The following ADGRL2 variants were observed in gnomAD, a reference collection of about 807,000 sequenced individuals.
The protein encoded by ADGRL2 is calcium-independent alpha-latrotoxin receptor 2.
ADGRL2 carries 44 observed loss-of-function variants against 157.4 expected under a neutral mutation model. That is an observed-to-expected ratio of 0.28 (90% CI 0.22 to 0.36). The LOEUF is 0.36. ADGRL2 is among the 10% of genes least tolerant of loss of function. The probability of loss-of-function intolerance (pLI) is 1.00; values close to 1 mark genes in which losing one functional copy is unlikely to be tolerated. For synonymous variants in ADGRL2, 585 were observed against 624.7 expected (o/e 0.94, Z 0.95); for missense variants, 1,510 against 1,768.9 (o/e 0.85, Z 2.63).
At chr1:81,503,046 A>C in intron 2 of ADGRL2, 1 of 1,611,502 alleles carries the variant, frequency 6.2e-7, no homozygotes, top group African/African-American at 1.3e-5. Flanking sequence ...GGACCGCCGC[A>C]CTGGAGCAGC....
intron 3 of ADGRL2, among the ~76,000 whole-genome samples, chr1:81,582,907 C>G (rs965554827): frequency 3.9e-5 from 6 of 152,068 alleles, no homozygotes; most frequent in African/African-American, 1.4e-4. Flanking sequence ...TTGGCAACCA[C>G]ACAGCCACCC....
chr1:81,753,426 G>A (rs1020046493), intron 1 of ADGRL2, among the ~76,000 whole-genome samples: 2 of 152,126 alleles, frequency 1.3e-5, no homozygotes, highest in Non-Finnish European at 2.9e-5. Context: ...CCCACAACAC[G>A]TGGGAATTAT....
chr1:81,348,228 C>G (rs1662620514), intron 1 of ADGRL2, among the ~76,000 whole-genome samples: 1 of 152,152 alleles, frequency 6.6e-6, no homozygotes, highest in Admixed American at 6.5e-5. Context: ...CTTAGCTTCT[C>G]CTGTAGCTAA....
At chr1:81,899,916 C>T (rs185823279) in intron 2 of ADGRL2, among the ~76,000 whole-genome samples, 5 of 152,234 alleles carry the variant, frequency 3.3e-5, no homozygotes, top group Admixed American at 3.3e-4. Flanking sequence ...CATACCATAA[C>T]GATGTTCTTT....
At chr1:81,842,568 G>T (rs1339242890) in intron 2 of ADGRL2, among the ~76,000 whole-genome samples, 1 of 151,774 alleles carries the variant, frequency 6.6e-6, no homozygotes, top group Non-Finnish European at 1.5e-5. Context: ...ATATTGGCCA[G>T]GCTGGTCTCT....
intron 1 of ADGRL2, among the ~76,000 whole-genome samples, chr1:81,435,591 T>C (rs2077394583): frequency 6.6e-6 from 1 of 152,234 alleles, no homozygotes; most frequent in African/African-American, 2.4e-5. Flanking sequence ...ATCCATTTCT[T>C]CAAAACATCG....
At chr1:81,899,042 G>T (rs1445037120) in intron 2 of ADGRL2, among the ~76,000 whole-genome samples, 1 of 152,102 alleles carries the variant, frequency 6.6e-6, no homozygotes, top group Admixed American at 6.6e-5. Flanking sequence ...AACAGCATGA[G>T]CAGTAGCAAA....
intron 16 of ADGRL2, among the ~76,000 whole-genome samples, chr1:81,970,818 A>G (rs754110490): frequency 1.3e-5 from 2 of 152,160 alleles, no homozygotes; most frequent in Non-Finnish European, 2.9e-5. Context: ...CCTTAGAAAG[A>G]TATTAAGTAA....
At chr1:81,433,386 G>T (rs2077356553) in intron 1 of ADGRL2, among the ~76,000 whole-genome samples, 1 of 152,096 alleles carries the variant, frequency 6.6e-6, no homozygotes, top group African/African-American at 2.4e-5. Context: ...CAGGTCCAAG[G>T]ACACCTCAAG....
chr1:81,772,513 G>A (rs542460739), intron 2 of ADGRL2, among the ~76,000 whole-genome samples: 1 of 152,136 alleles, frequency 6.6e-6, no homozygotes, highest in South Asian at 2.1e-4. Flanking sequence ...TAGATCACCT[G>A]AGGTCAGGAG....
intron 3 of ADGRL2, among the ~76,000 whole-genome samples, chr1:81,595,480 A>G (rs1365090082): frequency 1.3e-5 from 2 of 152,170 alleles, no homozygotes; most frequent in Non-Finnish European, 2.9e-5. Context: ...CTATGAATGT[A>G]CTCAACTTCA....
chr1:81,483,710 G>A (rs903544131), intron 2 of ADGRL2, among the ~76,000 whole-genome samples: 1 of 152,136 alleles, frequency 6.6e-6, no homozygotes, highest in Non-Finnish European at 1.5e-5. Context: ...TGTTAACCAG[G>A]TTATTCCTTA....
At chr1:81,561,841 G>A (rs1557463589) in intron 2 of ADGRL2, among the ~76,000 whole-genome samples, 1 of 152,010 alleles carries the variant, frequency 6.6e-6, no homozygotes, top group Non-Finnish European at 1.5e-5. Flanking sequence ...TCTATGTCCT[G>A]GCCCAGATCT....
chr1:81,976,586 A>T (rs1274597472), intron 17 of ADGRL2, among the ~76,000 whole-genome samples: 1 of 152,028 alleles, frequency 6.6e-6, no homozygotes, highest in Non-Finnish European at 1.5e-5. Context: ...TTCCATTTTA[A>T]GTATGTTAGA....
intron 2 of ADGRL2, among the ~76,000 whole-genome samples, chr1:81,873,683 A>G (rs189869443): frequency 6.6e-6 from 1 of 152,238 alleles, no homozygotes; most frequent in Non-Finnish European, 1.5e-5. Context: ...GAAAACTTGG[A>G]TAGTATATTC....
chr1:81,752,150 A>AAG (rs1179384961), intron 1 of ADGRL2, among the ~76,000 whole-genome samples: 1 of 152,118 alleles, frequency 6.6e-6, no homozygotes. Context: ...TGGCCTTATA[A>AAG]AGAGAGAGAT....
chr1:81,373,890 A>G (rs1372910560), intron 1 of ADGRL2, among the ~76,000 whole-genome samples: 1 of 152,250 alleles, frequency 6.6e-6, no homozygotes, highest in Non-Finnish European at 1.5e-5. Flanking sequence ...TCTGGACAAC[A>G]TGAAGCAATG....
At chr1:81,352,628 G>A (rs1459856920) in intron 1 of ADGRL2, among the ~76,000 whole-genome samples, 2 of 152,136 alleles carry the variant, frequency 1.3e-5, no homozygotes, top group Non-Finnish European at 2.9e-5. Context: ...AGTGTTATAT[G>A]GCCTTCCTAT....
chr1:81,927,749 A>G (rs1439604878), intron 3 of ADGRL2, among the ~76,000 whole-genome samples: 1 of 152,022 alleles, frequency 6.6e-6, no homozygotes, highest in African/African-American at 2.4e-5. Flanking sequence ...ATTGTTACAG[A>G]ACACCTCTTT....
Sources: allele counts gnomAD v4.1 joint callset (sites outside exome capture counted in the v4.1 genomes callset), GRCh38; gene constraint gnomAD v4.1.1; transcripts MANE v1.5; gene names NCBI Gene and HGNC (gene_info 2026-07-23, HGNC 2026-07-21).